Variants in TMEM243 observed in about 807,000 individuals in gnomAD.
TMEM243 encodes transmembrane protein 243.
In TMEM243, 20 loss-of-function variants were observed where a neutral mutation model predicts 15.0. The ratio of observed to expected loss-of-function variants is 1.33; its 90% confidence interval spans 0.94 to 1.93. The LOEUF is 1.93. Ranked by LOEUF, TMEM243 falls within the 30% of genes most tolerant of loss-of-function variation. The pLI, the probability that TMEM243 is intolerant of heterozygous loss-of-function variation, is 0.00. For synonymous variants in TMEM243, 72 were observed against 52.7 expected, an observed-to-expected ratio of 1.37 and a Z score of -1.59; for missense variants, 156 against 142.1, an observed-to-expected ratio of 1.10 and a Z score of -0.50.
At position 87,197,960 on chromosome 7, in the gene TMEM243, C is replaced by A; in HGVS notation, c.215G>T (p.Ser72Ile). The change falls in exon 3 of 4, where the codon AGT (serine) becomes ATT (isoleucine). Residue 72 changes from serine (S) to isoleucine (I), a missense_variant. By Grantham distance (142) the Ser-to-Ile change is moderately radical. Transcript: ENST00000257637. ...IFFAVCISLS[S>I]ITACILIYWY... The stretch of plus-strand genomic sequence containing the variant: ...ACTTACAAGTATGCAGGCAGTAATA[C>A]TACTCAAAGAGATGCAGACAGCAAA... 2 of 1,613,030 alleles carry A rather than the reference C, an allele frequency of 1.2e-6. No homozygotes were observed. The highest frequency in any genetic ancestry group is 1.7e-6 in the Non-Finnish European group (2 of 1,179,372).
At chr7:87,208,640 G>A (rs1802397250) in intron 1 of TMEM243, among the ~76,000 whole-genome samples, 1 of 152,200 alleles carries the variant, frequency 6.6e-6, no homozygotes, top group African/African-American at 2.4e-5. Context: ...CCTCTACCTT[G>A]GAAGGTCTGG....
At chr7:87,219,133 C>T (rs745998159) in intron 1 of TMEM243, among the ~76,000 whole-genome samples, 9 of 152,164 alleles carry the variant, frequency 5.9e-5, no homozygotes, top group Non-Finnish European at 8.8e-5. Context: ...TGTACAACCA[C>T]TAAATCAACC....
intron 1 of TMEM243, among the ~76,000 whole-genome samples, chr7:87,209,201 T>C (rs1802431687): frequency 6.6e-6 from 1 of 152,074 alleles, no homozygotes. Context: ...AAAAGAGGTT[T>C]AACTGAATAA....
rs373365656 is a variant in TMEM243, at chr7:87,196,633, G to C, written c.*3C>G. On this transcript the variant is annotated 3_prime_UTR_variant, in exon 4 of 4. Transcript: ENST00000257637. ...TCCTGGTAAGTACTTCTCCTTGGCA[G>C]CCTCACCTTCCCACATCATGGAAGT... 3.1e-5 allele frequency: 50 copies of C among 1,607,574 alleles called. No individual in the cohort carries two copies. The highest frequency in any genetic ancestry group is 4.1e-5 in the Non-Finnish European group (48 of 1,177,348).
intron 1 of TMEM243, among the ~76,000 whole-genome samples, chr7:87,218,930 G>C (rs960014205): frequency 1.3e-5 from 2 of 152,110 alleles, no homozygotes; most frequent in Admixed American, 1.3e-4. Flanking sequence ...TCCTGGAATG[G>C]AGGCCATCAT....
At chr7:87,203,312 A>G (rs141808148) in intron 1 of TMEM243, among the ~76,000 whole-genome samples, 394 of 152,268 alleles carry the variant, frequency 2.6e-3, no homozygotes, top group African/African-American at 8.7e-3. Context: ...GGGGGAAAAA[A>G]AGCTAAAGAA....
rs1801238519 is a variant in TMEM243, at chr7:87,196,424, G to A, written c.*212C>T. 4.4e-6 allele frequency: 2 copies of A among 452,608 alleles called. No individual in the cohort carries two copies. Among genetic ancestry groups the A allele is most frequent in the South Asian group, 7.9e-5 (2 of 25,340 alleles). 28.0% of individuals were successfully genotyped at this position (452,608 alleles called of 1,614,324 possible). ...TGTGCTGTTTTAGCTTTAAGGGTTG[G>A]AATGTTTAGGTGCAACATCAGCTCC... On this transcript the variant is annotated 3_prime_UTR_variant, in exon 4 of 4. Coordinates refer to ENST00000257637, the MANE Select transcript of TMEM243 (RefSeq NM_024315.4).
intron 1 of TMEM243, among the ~76,000 whole-genome samples, chr7:87,218,888 G>A (rs370468706): frequency 6.6e-6 from 1 of 152,126 alleles, no homozygotes; most frequent in Non-Finnish European, 1.5e-5. Context: ...ACGTATGGTA[G>A]CCTGTTCAGG....
At chr7:87,202,506 G>GA (rs1408101284) in intron 1 of TMEM243, among the ~76,000 whole-genome samples, 1 of 152,186 alleles carries the variant, frequency 6.6e-6, no homozygotes, top group Non-Finnish European at 1.5e-5. Flanking sequence ...TGAGGAAGGA[G>GA]AAAAAGATGG....
At chr7:87,198,863 T>G (rs73208522) in intron 2 of TMEM243, 144 bp downstream of exon 2, 33,203 of 644,730 alleles carry the variant, frequency 0.051, 1,009 homozygotes, top group Middle Eastern at 0.079. Flanking sequence ...CAGAATTAAA[T>G]TAGCTACTCC....
At chr7:87,209,176 G>A (rs1214896345) in intron 1 of TMEM243, among the ~76,000 whole-genome samples, 1 of 152,174 alleles carries the variant, frequency 6.6e-6, no homozygotes, top group Non-Finnish European at 1.5e-5. Flanking sequence ...ACCTGAGACT[G>A]GGTAATTTAT....
Position 87,197,709 on chromosome 7 carries a change from T to C in TMEM243, c.234+232A>G, listed in dbSNP as rs1584511338. 18 of 1,097,246 alleles carry C rather than the reference T, an allele frequency of 1.6e-5. No homozygotes were observed. The East Asian group carries it at 7.3e-4, about 45-fold the overall frequency. The allele number at this position is 1,097,246 out of a possible 1,614,324, so 68.0% of individuals were successfully genotyped here. On this transcript the variant is annotated intron_variant, in intron 3 of 3. Transcript: ENST00000257637. ...ACTAATTTTTTTTTTTTTTTTTTTT[T>C]TTTTTTTAAGCTATCAAGGGAGTGG...
intron 1 of TMEM243, among the ~76,000 whole-genome samples, chr7:87,208,742 T>C (rs980053357): frequency 2.6e-5 from 4 of 152,258 alleles, no homozygotes; most frequent in African/African-American, 9.6e-5. Context: ...TGTTGCACTT[T>C]CCAAGTTTTG....
At chr7:87,198,749 C>G (rs1042128397) in intron 2 of TMEM243, 1 of 491,422 alleles carries the variant, frequency 2.0e-6, no homozygotes, top group Non-Finnish European at 3.6e-6. Context: ...CTACTAGCCA[C>G]TGACATTTTT....
intron 1 of TMEM243, among the ~76,000 whole-genome samples, chr7:87,200,931 C>T (rs1437677152): frequency 6.6e-6 from 1 of 152,208 alleles, no homozygotes. Context: ...GCTTACCTTT[C>T]AAGAATGATT....
chr7:87,203,307 A>C (rs80151495), intron 1 of TMEM243, among the ~76,000 whole-genome samples: 2 of 151,738 alleles, frequency 1.3e-5, no homozygotes, highest in Non-Finnish European at 2.9e-5. Flanking sequence ...AATGGGGGGG[A>C]AAAAAAGCTA....
chr7:87,201,025 T>G (rs1215678682), intron 1 of TMEM243, among the ~76,000 whole-genome samples: 1 of 152,228 alleles, frequency 6.6e-6, no homozygotes, highest in Non-Finnish European at 1.5e-5. Context: ...TATCTAAACT[T>G]TAATGAATAC....
At chr7:87,219,926 A>G (rs1359961587), upstream of TMEM243, among the ~76,000 whole-genome samples, 1 of 152,164 alleles carries the variant, frequency 6.6e-6, no homozygotes. Flanking sequence ...AGACTCCCAC[A>G]CGTCGCCCCC....
At position 87,219,626 on chromosome 7, in the gene TMEM243, G is replaced by C. The variant is rs1803360484; in HGVS notation, c.-123C>G. 3.5e-6 allele frequency: 3 copies of C among 860,882 alleles called. No homozygotes were observed. Among genetic ancestry groups the C allele is most frequent in the Non-Finnish European group, 3.7e-6 (2 of 541,610 alleles). The allele number at this position is 860,882 out of a possible 1,614,324, so 53.3% of individuals were successfully genotyped here. On this transcript the variant is annotated 5_prime_UTR_variant, in exon 1 of 4. Transcript: ENST00000257637. ...CCCGCATAGCCGAACCCGAGTGGTC[G>C]GGGAAGCGCTGGCGCCAGGGATGGG...
Sources: allele counts gnomAD v4.1 joint callset (sites outside exome capture counted in the v4.1 genomes callset), GRCh38; gene constraint gnomAD v4.1.1; transcripts MANE v1.5; gene names NCBI Gene and HGNC (gene_info 2026-07-23, HGNC 2026-07-21).